Variants in MGST1 observed in about 807,000 individuals in gnomAD.
The protein encoded by MGST1 is microsomal glutathione S-transferase 1.
In MGST1, 5 loss-of-function variants were observed where a neutral mutation model predicts 8.9. The ratio of observed to expected loss-of-function variants is 0.56; its 90% CI spans 0.29 to 1.19. The LOEUF is 1.19. Among genes scored for constraint, MGST1 ranks in the 50% most tolerant of loss-of-function variants. MGST1 has a pLI of 0.08. For synonymous variants in MGST1, 54 were observed against 67.8 expected (o/e 0.80, Z 1.00); for missense variants, 182 against 187.4 (o/e 0.97, Z 0.17).
chr12:16,369,014 G>A (rs571487664), downstream of MGST1, among the ~76,000 whole-genome samples: 80 of 150,074 alleles, frequency 5.3e-4, no homozygotes, highest in Non-Finnish European at 1.1e-3. This position sits in a 1 kb window ranked among gnomAD's most constrained non-coding sequence, Gnocchi z 4.8. Flanking sequence ...GAGAGTTAGA[G>A]GTTGCCTAAA....
chr12:16,454,901 A>G (rs1307462152), intron 4 of MGST1, among the ~76,000 whole-genome samples: 2 of 136,082 alleles, frequency 1.5e-5, no homozygotes, highest in Non-Finnish European at 3.2e-5. Flanking sequence ...AAAAAAAAAA[A>G]AAAGGAGATG....
intron 4 of MGST1, chr12:16,549,832 A>G (rs1224930216): frequency 1.3e-5 from 2 of 152,092 alleles, no homozygotes; most frequent in Non-Finnish European, 1.5e-5. Flanking sequence ...ATCATTCTCC[A>G]TAATTTCTCT....
chr12:16,449,554 C>T (rs578117343), intron 4 of MGST1, among the ~76,000 whole-genome samples: 74 of 151,934 alleles, frequency 4.9e-4, no homozygotes, highest in Admixed American at 1.0e-3. Flanking sequence ...TACAATTGGA[C>T]GAAGAAAAAT....
At chr12:16,519,908 CT>C (rs912582348) in intron 4 of MGST1, among the ~76,000 whole-genome samples, 13 of 152,132 alleles carry the variant, frequency 8.5e-5, no homozygotes, top group Non-Finnish European at 1.9e-4. Context: ...TTGTATATGT[CT>C]TAATGGACAA....
At chr12:16,358,228 T>G (rs116748518) in intron 3 of MGST1, among the ~76,000 whole-genome samples, 13 of 152,318 alleles carry the variant, frequency 8.5e-5, no homozygotes, top group African/African-American at 2.9e-4. Flanking sequence ...GGGGTATGAT[T>G]GTTCCTATCA....
intron 4 of MGST1, among the ~76,000 whole-genome samples, chr12:16,512,896 T>C (rs1941585885): frequency 6.6e-6 from 1 of 152,290 alleles, no homozygotes; most frequent in Non-Finnish European, 1.5e-5. Context: ...ATAATATGCT[T>C]GTGATAATCT....
intron 4 of MGST1, among the ~76,000 whole-genome samples, chr12:16,452,094 A>C (rs568694630): frequency 7.9e-5 from 12 of 151,834 alleles, no homozygotes; most frequent in Non-Finnish European, 1.5e-4. Context: ...AAGCAGTATT[A>C]TATTACACAT....
chr12:16,407,393 AT>A (rs1339187165), intron 1 of MGST1, among the ~76,000 whole-genome samples: 2 of 152,186 alleles, frequency 1.3e-5, no homozygotes, highest in Non-Finnish European at 2.9e-5. Context: ...GATGGCTATT[AT>A]TAAAAAGCCA....
chr12:16,588,010 C>T (rs548480338), intron 4 of MGST1, among the ~76,000 whole-genome samples: 123 of 152,210 alleles, frequency 8.1e-4, no homozygotes, highest in African/African-American at 2.6e-3. Context: ...CTTTCTCTTA[C>T]GACTTCTTTC....
chr12:16,360,103 T>C (rs2136974861), intron 3 of MGST1, among the ~76,000 whole-genome samples: 1 of 152,298 alleles, frequency 6.6e-6, no homozygotes, highest in Admixed American at 6.5e-5. Context: ...CACTGGCTTT[T>C]CCGCATACTG....
intron 1 of MGST1, among the ~76,000 whole-genome samples, chr12:16,427,299 G>C (rs1940899214): frequency 6.6e-6 from 1 of 152,100 alleles, no homozygotes; most frequent in Admixed American, 6.5e-5. Context: ...GAAGGGCAGA[G>C]GGAAAGAGAT....
intron 4 of MGST1, among the ~76,000 whole-genome samples, chr12:16,480,432 TG>T (rs1941356933): frequency 6.6e-6 from 1 of 152,162 alleles, no homozygotes; most frequent in African/African-American, 2.4e-5. Context: ...TAAGCCACCG[TG>T]GTCGGCCAGA....
chr12:16,474,547 A>G (rs1359853141), intron 4 of MGST1, among the ~76,000 whole-genome samples: 1 of 152,200 alleles, frequency 6.6e-6, no homozygotes, highest in Non-Finnish European at 1.5e-5. Context: ...AATGATGGGC[A>G]TTGTCTTAGG....
At chr12:16,542,410 C>A (rs1384327905) in intron 4 of MGST1, among the ~76,000 whole-genome samples, 1 of 152,190 alleles carries the variant, frequency 6.6e-6, no homozygotes, top group Non-Finnish European at 1.5e-5. Flanking sequence ...CGGAATACAA[C>A]TGCACTTTCA....
chr12:16,399,993 C>T, intron 1 of MGST1: 2 of 1,463,894 alleles, frequency 1.4e-6, no homozygotes, highest in Non-Finnish European at 1.9e-6. Context: ...GGCAGGTACT[C>T]CTGTAGGGAG....
downstream of MGST1, among the ~76,000 whole-genome samples, chr12:16,369,389 A>G (rs535060233): frequency 4.7e-4 from 72 of 152,250 alleles, no homozygotes; most frequent in African/African-American, 1.5e-3. This position sits in a 1 kb window ranked among gnomAD's most constrained non-coding sequence, Gnocchi z 4.8. Context: ...TGTAAGTTAC[A>G]GGGTAGCCAG....
intron 4 of MGST1, among the ~76,000 whole-genome samples, chr12:16,572,538 C>T (rs966878826): frequency 2.0e-5 from 3 of 150,016 alleles, no homozygotes; most frequent in Admixed American, 6.6e-5. Context: ...AGAATTTTAA[C>T]TGTTTCTCAA....
intron 1 of MGST1, among the ~76,000 whole-genome samples, chr12:16,393,814 G>C (rs1372835657): frequency 1.3e-5 from 2 of 152,134 alleles, no homozygotes; most frequent in Non-Finnish European, 2.9e-5. Flanking sequence ...CCAGGATACT[G>C]TATCAGTTAA....
chr12:16,457,329 A>G (rs1324299368), intron 4 of MGST1, among the ~76,000 whole-genome samples: 1 of 152,076 alleles, frequency 6.6e-6, no homozygotes, highest in South Asian at 2.1e-4. Context: ...GAAACTTAGG[A>G]GTGTGCTCTA....
Sources: allele counts gnomAD v4.1 joint callset (sites outside exome capture counted in the v4.1 genomes callset), GRCh38; gene constraint gnomAD v4.1.1; non-coding constraint Gnocchi (gnomAD v3.1); transcripts MANE v1.5; gene names NCBI Gene and HGNC (gene_info 2026-07-23, HGNC 2026-07-21).